The following KCNK3 variants were observed in gnomAD, a reference collection of about 807,000 sequenced individuals.
The protein encoded by KCNK3 is potassium channel subfamily K member 3.
KCNK3 carries 9 observed loss-of-function variants against 27.3 expected under a neutral mutation model. That is an observed-to-expected ratio of 0.33 (90% CI 0.20 to 0.57). The LOEUF (loss-of-function observed/expected upper bound fraction) is 0.57, where lower values mean the gene tolerates loss of function less well. Ranked by LOEUF, KCNK3 falls within the 20% of genes least tolerant of loss-of-function variation. The pLI, the probability that KCNK3 is intolerant of heterozygous loss-of-function variation, is 0.87. For missense variants in KCNK3, 391 were observed against 577.7 expected (o/e 0.68, Z 3.31); for synonymous variants, 278 against 273.8 (o/e 1.02, Z -0.15).
intron 1 of KCNK3, among the ~76,000 whole-genome samples, chr2:26,726,106 CAGAGAGAG>C (rs1168877805): frequency 0.021 from 1,677 of 81,756 alleles, 24 homozygotes; most frequent in African/African-American, 0.1. Flanking sequence ...CACACACACA[CAGAGAGAG>C]AGAGAGAGAG....
chr2:26,723,301 C>T (rs1393625866), intron 1 of KCNK3, among the ~76,000 whole-genome samples: 1 of 152,254 alleles, frequency 6.6e-6, no homozygotes, highest in Non-Finnish European at 1.5e-5. Context: ...CCCTGGAAGA[C>T]AGCTTCAGCC....
intron 1 of KCNK3, among the ~76,000 whole-genome samples, chr2:26,701,160 C>T (rs1258855506): frequency 2.0e-5 from 3 of 152,162 alleles, no homozygotes; most frequent in African/African-American, 7.2e-5. Flanking sequence ...CTGGGAATAG[C>T]CATGAGATGT....
rs1470908441 is a variant in KCNK3, at chr2:26,693,423, G to A, written c.283+265G>A. ...CTGCCATGTTGCATAGGCCCCCAGG[G>A]ACTCCGAAGTGTGTGAGAGGGGCAG... On this transcript the variant is annotated intron_variant, in intron 1 of 1. Coordinates refer to ENST00000302909, the MANE Select transcript of KCNK3 (RefSeq NM_002246.3). The surrounding 1 kb of genome is among the most constrained non-coding windows in gnomAD (Gnocchi z 5.5). Among the ~76,000 whole-genome samples the A allele has an allele frequency of 1.3e-5, 2 of 152,246 alleles. No individual in the cohort carries two copies. The highest frequency in any genetic ancestry group is 2.4e-5 in the African/African-American group (1 of 41,470).
At chr2:26,717,090 C>G (rs1028203293) in intron 1 of KCNK3, among the ~76,000 whole-genome samples, 1 of 152,212 alleles carries the variant, frequency 6.6e-6, no homozygotes, top group Non-Finnish European at 1.5e-5. Flanking sequence ...TGGCCCTTTA[C>G]AGGAAACAGT....
At chr2:26,717,999 T>C (rs1252373633) in intron 1 of KCNK3, among the ~76,000 whole-genome samples, 6 of 152,162 alleles carry the variant, frequency 3.9e-5, no homozygotes, top group African/African-American at 9.7e-5. Flanking sequence ...GTTTCACCCA[T>C]GAATGCAGGG....
At chr2:26,710,886 A>T (rs753337671) in intron 1 of KCNK3, among the ~76,000 whole-genome samples, 13 of 152,192 alleles carry the variant, frequency 8.5e-5, no homozygotes, top group Non-Finnish European at 1.5e-4. Flanking sequence ...CTCCCCACAT[A>T]TCCCCGGGGT....
chr2:26,726,873 C>T (rs1030810581), intron 1 of KCNK3, among the ~76,000 whole-genome samples: 1 of 152,182 alleles, frequency 6.6e-6, no homozygotes, highest in Admixed American at 6.5e-5. Flanking sequence ...CCAAGGGTAA[C>T]ACCACCTCCC....
intron 1 of KCNK3, among the ~76,000 whole-genome samples, chr2:26,719,225 A>G (rs1663284082): frequency 6.6e-6 from 1 of 152,176 alleles, no homozygotes; most frequent in Admixed American, 6.5e-5. Flanking sequence ...CTGCAGGGCC[A>G]CTGGGTAGAC....
Position 26,728,217 on chromosome 2 carries a change from C to T in KCNK3, c.834C>T (p.Ser278=), listed in dbSNP as rs750738078. ...GQAGGGGGGG[S]AHTTDTASST... ...CGGGCGGCGGCGGAGGGGGTGGCAG[C>T]GCGCACACTACGGACACCGCCTCAT... Residue 278 remains serine (S), a synonymous_variant, in exon 2 of 2, where the codon AGC becomes AGT. Transcript: ENST00000302909. 2.6e-6 allele frequency: 4 copies of T among 1,562,806 alleles called. No individual in the cohort carries two copies. Among genetic ancestry groups the T allele is most frequent in the Non-Finnish European group, 3.5e-6 (4 of 1,153,920 alleles).
chr2:26,725,728 C>T (rs562760752), intron 1 of KCNK3, among the ~76,000 whole-genome samples: 18 of 152,284 alleles, frequency 1.2e-4, no homozygotes, highest in Non-Finnish European at 2.5e-4. Context: ...AGTTACTGGC[C>T]CGACGCTGTG....
chr2:26,714,618 G>A (rs1663191138), intron 1 of KCNK3, among the ~76,000 whole-genome samples: 1 of 151,052 alleles, frequency 6.6e-6, no homozygotes, highest in Non-Finnish European at 1.5e-5. Flanking sequence ...GGATGCAGTG[G>A]CTCAGGCCTG....
Position 26,729,686 on chromosome 2 carries a change from T to C in KCNK3, c.*1118T>C, listed in dbSNP as rs1271889097. ...CCCCATCTCTACAAAAAATAAAAAA[T>C]TAACCAGGTGTGGTGGCACGTGCCT... is the stretch of plus-strand genomic sequence containing the variant. On this transcript the variant is annotated 3_prime_UTR_variant, in exon 2 of 2. Coordinates refer to ENST00000302909, the MANE Select transcript of KCNK3 (RefSeq NM_002246.3). The C allele has an allele frequency of 6.6e-6, 1 of 151,798 alleles. No individual in the cohort carries two copies. Among genetic ancestry groups the C allele is most frequent in the Non-Finnish European group, 1.5e-5 (1 of 67,986 alleles). 9.4% of individuals were successfully genotyped at this position (151,798 alleles called of 1,614,324 possible).
At chr2:26,695,018 A>G (rs919643470) in intron 1 of KCNK3, among the ~76,000 whole-genome samples, 2 of 151,966 alleles carry the variant, frequency 1.3e-5, no homozygotes, top group Non-Finnish European at 2.9e-5. Context: ...GAATCCCTCA[A>G]TGACTCTCCA....
Position 26,728,633 on chromosome 2 carries a change from A to G in KCNK3, c.*65A>G. On this transcript the variant is annotated 3_prime_UTR_variant, in exon 2 of 2. Transcript: ENST00000302909. The stretch of plus-strand genomic sequence containing the variant: ...GGGACCCCTGCTGGGAGGCCAGGAG[A>G]CTGCCCCTGCTGCCTTCTGCCCAGT... The G allele has an allele frequency of 2.2e-6, 3 of 1,338,366 alleles. No individual in the cohort carries two copies. Among genetic ancestry groups the G allele is most frequent in the Non-Finnish European group, 2.9e-6 (3 of 1,026,052 alleles). 82.9% of individuals were successfully genotyped at this position (1,338,366 alleles called of 1,614,324 possible). A position where few individuals can be genotyped will look rare whatever the true frequency, so the allele number is the denominator to read the frequency against.
At chr2:26,709,544 C>G (rs151293409) in intron 1 of KCNK3, among the ~76,000 whole-genome samples, 11 of 152,082 alleles carry the variant, frequency 7.2e-5, no homozygotes, top group East Asian at 1.9e-4. Context: ...TGCAGCATGG[C>G]GGTCACCGGA....
At chr2:26,720,571 G>A (rs1459339637) in intron 1 of KCNK3, among the ~76,000 whole-genome samples, 1 of 152,188 alleles carries the variant, frequency 6.6e-6, no homozygotes, top group Non-Finnish European at 1.5e-5. Flanking sequence ...GGGCTTTGGG[G>A]GTTTGTCCTA....
intron 1 of KCNK3, among the ~76,000 whole-genome samples, chr2:26,699,827 C>T (rs1262036355): frequency 1.3e-5 from 2 of 152,182 alleles, no homozygotes; most frequent in African/African-American, 4.8e-5. Context: ...CCTGCACAGT[C>T]AAGGAAAAGG....
chr2:26,716,999 A>G (rs1347883730), intron 1 of KCNK3, among the ~76,000 whole-genome samples: 3 of 152,186 alleles, frequency 2.0e-5, no homozygotes. Context: ...CGTAGTATCC[A>G]TGGCTTCTTT....
At chr2:26,723,869 G>A (rs1166405458) in intron 1 of KCNK3, among the ~76,000 whole-genome samples, 1 of 152,200 alleles carries the variant, frequency 6.6e-6, no homozygotes, top group Admixed American at 6.5e-5. Flanking sequence ...ATCTGCTCTG[G>A]TTGATCAGCC....
Sources: allele counts gnomAD v4.1 joint callset (sites outside exome capture counted in the v4.1 genomes callset), GRCh38; gene constraint gnomAD v4.1.1; non-coding constraint Gnocchi (gnomAD v3.1); transcripts MANE v1.5; gene names NCBI Gene and HGNC (gene_info 2026-07-23, HGNC 2026-07-21).